CCNY: variants seen among roughly 807,000 people sequenced by gnomAD.
CCNY encodes cyclin Y, also known as cyclin-Y.
In CCNY, 19 loss-of-function variants were observed where a neutral mutation model predicts 42.8. That is an observed-to-expected ratio of 0.44 (90% CI 0.31 to 0.65). The LOEUF (loss-of-function observed/expected upper bound fraction) is 0.65. CCNY is among the 30% of genes least tolerant of loss of function. CCNY has a pLI of 0.07. For missense variants in CCNY, 370 were observed against 437.3 expected (o/e 0.85, Z 1.37); for synonymous variants, 165 against 162.7 (o/e 1.01, Z -0.11).
intron 7 of CCNY, among the ~76,000 whole-genome samples, chr10:35,534,975 A>G (rs1328105148): frequency 7.7e-6 from 1 of 129,936 alleles, no homozygotes; most frequent in Non-Finnish European, 1.6e-5. Flanking sequence ...ACACACACAC[A>G]TATATATATA....
At position 35,420,903 on chromosome 10, in the gene CCNY, A is replaced by G. The variant is rs537795725; in HGVS notation, c.155-62501A>G. ...CTCTGTGTTTGGCTGACTGAAGTGA[A>G]AAATGTATTGTTGTTTACTGATTCA... On this transcript the variant is annotated intron_variant, in intron 1 of 9. Transcript: ENST00000374704. Among the ~76,000 whole-genome samples, 13 of 152,334 alleles carry G rather than the reference A, an allele frequency of 8.5e-5. No individual in the cohort carries two copies. In the South Asian group the frequency reaches 2.7e-3, roughly 32 times the overall value.
chr10:35,376,129 C>G (rs1371339934), intron 1 of CCNY, among the ~76,000 whole-genome samples: 2 of 152,134 alleles, frequency 1.3e-5, no homozygotes, highest in Non-Finnish European at 2.9e-5. Flanking sequence ...CTCAGCATCC[C>G]TCAACCTGGC....
intron 1 of CCNY, among the ~76,000 whole-genome samples, chr10:35,467,850 C>G (rs1454808348): frequency 2.0e-5 from 3 of 152,204 alleles, no homozygotes; most frequent in East Asian, 3.9e-4. Context: ...ATGTAGAGCC[C>G]CTGTTAGTTG....
At position 35,530,029 on chromosome 10, in the gene CCNY, C is replaced by T. The variant is rs779630924; in HGVS notation, c.458C>T (p.Ser153Leu). The change falls in exon 6 of 10, where the codon TCG becomes TTG. Residue 153 changes from serine to leucine, a missense_variant and splice_region_variant. This residue lies in a region of CCNY where 234 missense variants were observed against 313.1 expected (regional missense o/e 0.75). Coordinates refer to ENST00000374704, the MANE Select transcript of CCNY (RefSeq NM_145012.6). The surrounding 1 kb of genome is among the most constrained non-coding windows in gnomAD (Gnocchi z 4.3). ...DIFDENLHPL[S>L]KSEVPPDYDK... ...TTTGATGAAAATCTTCACCCTCTTT[C>T]GGTAATCTCCTCCGTGTGTTTCATG... The T allele has an allele frequency of 1.2e-5, 20 of 1,613,958 alleles. No individual in the cohort carries two copies. Among genetic ancestry groups the T allele is most frequent in the Admixed American group, 5.0e-5 (3 of 60,006 alleles).
intron 1 of CCNY, among the ~76,000 whole-genome samples, chr10:35,430,431 T>G (rs1838365604): frequency 6.6e-6 from 1 of 152,052 alleles, no homozygotes; most frequent in Non-Finnish European, 1.5e-5. Flanking sequence ...GTAATTTTTT[T>G]TAAAGACACA....
At chr10:35,560,828 G>A (rs1157038289) in intron 8 of CCNY, among the ~76,000 whole-genome samples, 2 of 152,168 alleles carry the variant, frequency 1.3e-5, no homozygotes, top group African/African-American at 4.8e-5. Context: ...GTAAAACCGT[G>A]TGAGCCCAGG....
At chr10:35,374,164 C>CT (rs773944307) in intron 1 of CCNY, among the ~76,000 whole-genome samples, 5 of 152,184 alleles carry the variant, frequency 3.3e-5, no homozygotes, top group African/African-American at 4.8e-5. Context: ...TGGCCCTTTC[C>CT]TTTGTAGAAC....
intron 3 of CCNY, among the ~76,000 whole-genome samples, chr10:35,298,723 A>G (rs1226099958): frequency 3.3e-5 from 5 of 151,966 alleles, no homozygotes; most frequent in Non-Finnish European, 1.5e-5. Context: ...GGGTTTCACT[A>G]TGTTGCTCAG....
intron 2 of CCNY, among the ~76,000 whole-genome samples, chr10:35,248,831 G>A (rs1365922147): frequency 1.3e-5 from 2 of 152,102 alleles, no homozygotes; most frequent in African/African-American, 2.4e-5. Flanking sequence ...ACAGTGAGAC[G>A]TTGTCTCTAA....
At chr10:35,267,376 T>A (rs2135038921) in intron 3 of CCNY, among the ~76,000 whole-genome samples, 1 of 152,062 alleles carries the variant, frequency 6.6e-6, no homozygotes, top group African/African-American at 2.4e-5. Flanking sequence ...GCTTCTTCCC[T>A]GGTGGGCCTC....
intron 3 of CCNY, among the ~76,000 whole-genome samples, chr10:35,322,021 C>T (rs1197834875): frequency 6.6e-6 from 1 of 152,132 alleles, no homozygotes; most frequent in African/African-American, 2.4e-5. Context: ...CTTACTCATA[C>T]ACAAAATTCA....
At chr10:35,456,638 C>T (rs1344044687) in intron 1 of CCNY, among the ~76,000 whole-genome samples, 1 of 152,192 alleles carries the variant, frequency 6.6e-6, no homozygotes, top group African/African-American at 2.4e-5. Context: ...ATTAGTTATG[C>T]ATCACATTTC....
At chr10:35,491,899 C>T (rs578149718) in intron 2 of CCNY, among the ~76,000 whole-genome samples, 5 of 151,864 alleles carry the variant, frequency 3.3e-5, no homozygotes, top group South Asian at 2.2e-4. Context: ...CAGGTGTGAG[C>T]GACCACGCCC....
chr10:35,371,502 G>A (rs1302777509), intron 1 of CCNY, among the ~76,000 whole-genome samples: 7 of 152,082 alleles, frequency 4.6e-5, no homozygotes, highest in Non-Finnish European at 8.8e-5. Flanking sequence ...ACCTTCCCTT[G>A]TATGTGAGGT....
At chr10:35,541,111 A>G (rs1564451725) in intron 7 of CCNY, among the ~76,000 whole-genome samples, 1 of 148,402 alleles carries the variant, frequency 6.7e-6, no homozygotes, top group Non-Finnish European at 1.5e-5. Context: ...TATTGATTTG[A>G]GATTTTTTTT....
chr10:35,384,770 T>C (rs1382348382), intron 1 of CCNY, among the ~76,000 whole-genome samples: 4 of 152,106 alleles, frequency 2.6e-5, no homozygotes, highest in Non-Finnish European at 5.9e-5. Flanking sequence ...CTGGGACCCT[T>C]TCAGTTTAGG....
intron 1 of CCNY, among the ~76,000 whole-genome samples, chr10:35,402,527 C>CT (rs893917265): frequency 1.2e-4 from 18 of 152,172 alleles, no homozygotes; most frequent in East Asian, 7.7e-4. Context: ...AGAGAGTCCT[C>CT]TTTTTTTAGC....
intron 2 of CCNY, among the ~76,000 whole-genome samples, chr10:35,493,817 G>A (rs1001992842): frequency 2.0e-5 from 3 of 152,178 alleles, no homozygotes; most frequent in Non-Finnish European, 2.9e-5. Context: ...AGCCCTGTAC[G>A]TAAGACAACA....
At chr10:35,462,972 C>T (rs1384523817) in intron 1 of CCNY, among the ~76,000 whole-genome samples, 1 of 152,234 alleles carries the variant, frequency 6.6e-6, no homozygotes, top group African/African-American at 2.4e-5. Context: ...GTTGCAGCGG[C>T]ACTTTTGGAA....
Sources: allele counts gnomAD v4.1 joint callset (sites outside exome capture counted in the v4.1 genomes callset), GRCh38; gene constraint gnomAD v4.1.1; regional missense constraint gnomAD v4.1.1; non-coding constraint Gnocchi (gnomAD v3.1); transcripts MANE v1.5; gene names NCBI Gene and HGNC (gene_info 2026-07-23, HGNC 2026-07-21).